Variants in EXOC6 observed in about 807,000 individuals in gnomAD.
EXOC6 encodes SEC15-like 1.
EXOC6 carries 60 observed loss-of-function variants against 112.5 expected under a neutral mutation model. That is an observed-to-expected ratio of 0.53 (90% CI 0.43 to 0.66). The LOEUF is 0.66. EXOC6 is among the 30% of genes least tolerant of loss of function. The probability of loss-of-function intolerance (pLI) is 0.00; values close to 1 mark genes in which losing one functional copy is unlikely to be tolerated. For synonymous variants in EXOC6, 295 were observed against 308.0 expected (o/e 0.96, Z 0.44); for missense variants, 855 against 957.1 (o/e 0.89, Z 1.41).
intron 20 of EXOC6, among the ~76,000 whole-genome samples, chr10:93,036,381 G>A (rs985553661): frequency 6.6e-6 from 1 of 152,100 alleles, no homozygotes; most frequent in African/African-American, 2.4e-5. Flanking sequence ...GGGGAGGTAT[G>A]TTATAATTCA....
intron 18 of EXOC6, 38 bp downstream of exon 18, chr10:92,974,270 CT>C: frequency 2.2e-6 from 3 of 1,388,186 alleles, no homozygotes; most frequent in Non-Finnish European, 2.9e-6. Flanking sequence ...TTTATGTTTG[CT>C]TACTAAAGTA....
chr10:92,894,941 C>G lies in EXOC6; in HGVS notation c.333C>G (p.His111Gln). The G allele has an allele frequency of 8.1e-6, 13 of 1,611,498 alleles. No homozygotes were observed. The highest frequency in any genetic ancestry group is 1.1e-5 in the Non-Finnish European group (13 of 1,177,832). Residue 111 changes from histidine to glutamine, a missense_variant, in exon 4 of 22, where the codon CAC (histidine) becomes CAG (glutamine). Around this residue, in one of 2 missense-constraint regions of EXOC6, gnomAD observed 405 missense variants for 393.6 expected, o/e 1.03. Coordinates refer to ENST00000260762, the MANE Select transcript of EXOC6 (RefSeq NM_019053.6). ...FQDAGKEVIV[H>Q]TEDIIRCRIQ... ...CCTTCTTTTCTAAGGTGATAGTCCA[C>G]ACAGAAGATATCATTCGATGTAGAA...
chr10:92,895,239 G>A (rs1456080311), intron 4 of EXOC6, among the ~76,000 whole-genome samples: 1 of 152,130 alleles, frequency 6.6e-6, no homozygotes, highest in Non-Finnish European at 1.5e-5. Context: ...CAGTTTCCTA[G>A]AACAGCAACT....
At chr10:93,009,446 A>T (rs1844142820) in intron 19 of EXOC6, among the ~76,000 whole-genome samples, 1 of 152,188 alleles carries the variant, frequency 6.6e-6, no homozygotes, top group Non-Finnish European at 1.5e-5. Context: ...GCGCTAGGTG[A>T]TAAGAATGTA....
intron 17 of EXOC6, among the ~76,000 whole-genome samples, chr10:92,969,571 G>GAA (rs1842200549): frequency 6.6e-6 from 1 of 152,228 alleles, no homozygotes; most frequent in Non-Finnish European, 1.5e-5. Flanking sequence ...TTTCCTCCAT[G>GAA]AAACCCTATT....
At chr10:92,870,400 T>C (rs952310575) in intron 1 of EXOC6, among the ~76,000 whole-genome samples, 1 of 152,200 alleles carries the variant, frequency 6.6e-6, no homozygotes, top group Admixed American at 6.5e-5. Flanking sequence ...TTTTTTCTTA[T>C]TTGCTCCGTC....
intron 6 of EXOC6, among the ~76,000 whole-genome samples, chr10:92,912,329 A>G (rs928201446): frequency 1.3e-5 from 2 of 151,976 alleles, no homozygotes; most frequent in Non-Finnish European, 2.9e-5. Flanking sequence ...GGGGCTCTCT[A>G]TTTGTTCCCA....
Position 92,836,749 on chromosome 10 carries a change from T to C in EXOC6, c.86+1925T>C, listed in dbSNP as rs1164067571. On this transcript the variant is annotated intron_variant, in intron 1 of 21. Coordinates refer to the EXOC6 transcript ENST00000371552. ...TGATGCCTTTCCATACATATGTACG[T>C]GTGTCGCTGATTTTCTACTGTAACT... 3.3e-5 allele frequency among the ~76,000 whole-genome samples: 5 copies of C among 152,158 alleles called. No homozygotes were observed. The East Asian group carries it at 7.7e-4, about 23-fold the overall frequency.
At chr10:92,889,582 C>A (rs1001228250) in intron 1 of EXOC6, among the ~76,000 whole-genome samples, 2 of 152,104 alleles carry the variant, frequency 1.3e-5, no homozygotes, top group Admixed American at 1.3e-4. Context: ...ATTACCTTTG[C>A]TCCTTTGTCA....
chr10:93,054,965 CAGTT>C (rs1341980402), intron 20 of EXOC6, among the ~76,000 whole-genome samples: 1 of 151,900 alleles, frequency 6.6e-6, no homozygotes, highest in African/African-American at 2.4e-5. Context: ...AAGAAAATAA[CAGTT>C]AACCTTAATC....
intron 1 of EXOC6, among the ~76,000 whole-genome samples, chr10:92,854,367 G>A (rs1199181406): frequency 5.9e-5 from 9 of 151,954 alleles, no homozygotes; most frequent in Admixed American, 5.9e-4. Flanking sequence ...AACCTGGGAG[G>A]CGGAGGATGC....
chr10:92,880,905 A>G (rs572449560), intron 1 of EXOC6, among the ~76,000 whole-genome samples: 1 of 152,344 alleles, frequency 6.6e-6, no homozygotes, highest in Non-Finnish European at 1.5e-5. Context: ...GTTTAATACT[A>G]TTTTAAATAT....
chr10:93,014,949 G>GT (rs1004842922), intron 20 of EXOC6, among the ~76,000 whole-genome samples: 39 of 136,988 alleles, frequency 2.8e-4, no homozygotes, highest in Admixed American at 8.0e-4. Flanking sequence ...TCCTCTTTTT[G>GT]TTTTTTTTTA....
At chr10:92,847,297 A>G (rs1306739473), upstream of EXOC6, among the ~76,000 whole-genome samples, 10 of 152,194 alleles carry the variant, frequency 6.6e-5, no homozygotes, top group Non-Finnish European at 4.4e-5. Flanking sequence ...GACATATAAA[A>G]GAACTAGGTT....
intron 1 of EXOC6, among the ~76,000 whole-genome samples, chr10:92,882,544 C>CAA (rs386372107): frequency 0.018 from 2,008 of 112,682 alleles, 43 homozygotes; most frequent in East Asian, 0.052. Flanking sequence ...GGCTCTGTCT[C>CAA]AAAAAAAAAA....
intron 20 of EXOC6, among the ~76,000 whole-genome samples, chr10:93,040,188 C>G (rs988308201): frequency 6.6e-6 from 1 of 152,200 alleles, no homozygotes; most frequent in African/African-American, 2.4e-5. Context: ...GCCCTTGACC[C>G]TATCTTTTGT....
At chr10:93,050,322 G>A (rs533397088) in intron 20 of EXOC6, among the ~76,000 whole-genome samples, 2 of 152,252 alleles carry the variant, frequency 1.3e-5, no homozygotes, top group Admixed American at 1.3e-4. Flanking sequence ...AGGCCGAGGT[G>A]GGTGGATCAC....
At chr10:92,944,877 A>C (rs1259807049) in intron 13 of EXOC6, among the ~76,000 whole-genome samples, 1 of 151,126 alleles carries the variant, frequency 6.6e-6, no homozygotes, top group African/African-American at 2.4e-5. Context: ...GGTTCAAGTG[A>C]TTCTCCTGCC....
chr10:93,009,012 G>A (rs1844121564), intron 19 of EXOC6, among the ~76,000 whole-genome samples: 1 of 152,114 alleles, frequency 6.6e-6, no homozygotes, highest in Non-Finnish European at 1.5e-5. Context: ...TTGAGGCCAG[G>A]AGTTTGAGAC....
Sources: allele counts gnomAD v4.1 joint callset (sites outside exome capture counted in the v4.1 genomes callset), GRCh38; gene constraint gnomAD v4.1.1; regional missense constraint gnomAD v4.1.1; transcripts MANE v1.5; gene names NCBI Gene and HGNC (gene_info 2026-07-23, HGNC 2026-07-21).